Variants in SYNPO observed in about 807,000 individuals in gnomAD.
SYNPO encodes the protein synaptopodin.
A neutral mutation model predicts 49.5 loss-of-function variants in SYNPO; 19 were observed. The ratio of observed to expected loss-of-function variants is 0.38; its 90% CI spans 0.27 to 0.56. SYNPO has a LOEUF of 0.56. Ranked by LOEUF, SYNPO falls within the 20% of genes least tolerant of loss-of-function variation. SYNPO has a pLI of 0.68. For missense variants in SYNPO, 1,131 were observed against 1,248.3 expected, an observed-to-expected ratio of 0.91 and a Z score of 1.42; for synonymous variants, 536 against 548.0, an observed-to-expected ratio of 0.98 and a Z score of 0.31.
chr5:150,588,270 C>A, the SYNPO span, among the ~76,000 whole-genome samples: 1 of 152,184 alleles, frequency 6.6e-6, no homozygotes, highest in Admixed American at 6.5e-5. Context: ...CGTGACTTTC[C>A]ACTCTCTGGT....
At chr5:150,654,410 T>C (rs899685541) in intron 2 of SYNPO, among the ~76,000 whole-genome samples, 2 of 151,782 alleles carry the variant, frequency 1.3e-5, no homozygotes, top group African/African-American at 2.4e-5. Flanking sequence ...ACACACTAGA[T>C]TGTTATTTAC....
chr5:150,600,243 TC>T (rs1271963683), upstream of SYNPO, among the ~76,000 whole-genome samples: 1 of 152,236 alleles, frequency 6.6e-6, no homozygotes, highest in African/African-American at 2.4e-5. Context: ...GAAGGGGATT[TC>T]CTGGGGCCAG....
intron 1 of SYNPO, chr5:150,615,361 A>G (rs969644878): frequency 1.3e-5 from 2 of 152,260 alleles, no homozygotes; most frequent in African/African-American, 4.8e-5. Context: ...ACCGTCAAAT[A>G]CATCAAAACA....
chr5:150,654,640 C>G lies in SYNPO; in HGVS notation c.2029-1764C>G, dbSNP rs543412270. On this transcript the variant is annotated intron_variant, in intron 2 of 2. Transcript: ENST00000307662. The stretch of plus-strand genomic sequence containing the variant: ...TTGGCCTCTCCAAAACCACACTCCC[C>G]TCCCCATTGCTGTGAAAAAGCTCAG... 2.0e-5 allele frequency among the ~76,000 whole-genome samples: 3 copies of G among 152,314 alleles called. No homozygotes were observed. In the South Asian group the frequency reaches 6.2e-4, roughly 32 times the overall value.
At chr5:150,647,373 CAG>C (rs2151420206) in intron 1 of SYNPO, among the ~76,000 whole-genome samples, 1 of 151,846 alleles carries the variant, frequency 6.6e-6, no homozygotes, top group African/African-American at 2.4e-5. Context: ...GAAAACAAAA[CAG>C]ATGGGATAGG....
intron 2 of SYNPO, among the ~76,000 whole-genome samples, chr5:150,621,579 C>T (rs1561640301): frequency 1.3e-5 from 2 of 152,152 alleles, no homozygotes; most frequent in South Asian, 2.1e-4. Flanking sequence ...CTGCCATTAC[C>T]GCCGAAGGAT....
At chr5:150,617,304 TTG>T (rs144758481) in intron 1 of SYNPO, among the ~76,000 whole-genome samples, 13,037 of 151,534 alleles carry the variant, frequency 0.086, 1,291 homozygotes, top group East Asian at 0.27. Flanking sequence ...CCATCTTCTT[TTG>T]TTTTTTTTGG....
At chr5:150,611,696 G>A (rs79223015) in intron 1 of SYNPO, among the ~76,000 whole-genome samples, 1,767 of 152,332 alleles carry the variant, frequency 0.012, 36 homozygotes, top group African/African-American at 0.04. Flanking sequence ...CGCTGAGGAA[G>A]GGAGGAAGGA....
chr5:150,649,664 C>T lies in SYNPO; in HGVS notation c.1389C>T (p.Ala463=). 1 of 1,610,058 alleles carries T rather than the reference C, an allele frequency of 6.2e-7. No individual in the cohort carries two copies. The highest frequency in any genetic ancestry group is 8.5e-7 in the Non-Finnish European group (1 of 1,179,960). ...ASCLKSPRIQ[A]KPKPKPNQNL... ...GCCTCAAGTCACCCCGCATCCAGGC[C>T]AAGCCGAAGCCCAAACCCAACCAGA... Residue 463 remains alanine, a synonymous_variant, in exon 2 of 3, where the codon GCC becomes GCT. Transcript: ENST00000307662.
upstream of SYNPO, among the ~76,000 whole-genome samples, chr5:150,637,823 TAAG>T (rs1757769823): frequency 6.6e-6 from 1 of 152,156 alleles, no homozygotes; most frequent in Non-Finnish European, 1.5e-5. Flanking sequence ...TCCTTTCCTA[TAAG>T]AAGGAAGCTG....
intron 2 of SYNPO, among the ~76,000 whole-genome samples, chr5:150,655,653 T>G (rs1300612077): frequency 1.1e-4 from 17 of 152,190 alleles, no homozygotes; most frequent in Admixed American, 1.1e-3. Flanking sequence ...TATATCCTTC[T>G]AGTATTTTTT....
At chr5:150,599,555 G>A (rs575146703), upstream of SYNPO, among the ~76,000 whole-genome samples, 1 of 152,326 alleles carries the variant, frequency 6.6e-6, no homozygotes, top group South Asian at 2.1e-4. Flanking sequence ...CCACCAGTGT[G>A]GCCTAGGGAG....
intron 1 of SYNPO, among the ~76,000 whole-genome samples, chr5:150,642,524 C>G (rs1334968667): frequency 6.6e-6 from 1 of 151,862 alleles, no homozygotes; most frequent in Non-Finnish European, 1.5e-5. Flanking sequence ...TCCCCACCCC[C>G]ACCTTTGACA....
Position 150,657,045 on chromosome 5 carries a change from C to A in SYNPO, c.2670C>A (p.Leu890=), listed in dbSNP as rs1448173092. The A allele has an allele frequency of 1.3e-6, 2 of 1,599,830 alleles. No individual in the cohort carries two copies. Among genetic ancestry groups the A allele is most frequent in the East Asian group, 4.5e-5 (2 of 44,266 alleles). Residue 890 remains leucine (L), a synonymous_variant, in exon 3 of 3, where the codon CTC becomes CTA. Transcript: ENST00000307662. ...GCGGGTGGAATGGCAGCCTTCGGCT[C>A]AAGCGTGGCAGCCTCCCCGCCGAGG... ...CPRGWNGSLR[L]KRGSLPAEAS... is the part of the protein sequence containing the mutation.
At position 150,606,372 on chromosome 5, in the gene SYNPO, C is replaced by A. The variant is rs114522008; in HGVS notation, c.-266+5184C>A. ...GGCACTGCCACTGTCAGGCTCTGTT[C>A]TAAGCTCTTATATTGTTTCATCCTC... On this transcript the variant is annotated intron_variant, in intron 1 of 2. Coordinates refer to the SYNPO transcript ENST00000394243. Among the ~76,000 whole-genome samples, 702 of 152,330 alleles carry A rather than the reference C, an allele frequency of 4.6e-3. 6 individuals are homozygous for A. Among genetic ancestry groups the A allele is most frequent in the African/African-American group, 0.016 (677 of 41,576 alleles).
chr5:150,634,376 A>G (rs1757639381), intron 2 of SYNPO, among the ~76,000 whole-genome samples: 1 of 152,144 alleles, frequency 6.6e-6, no homozygotes, highest in Non-Finnish European at 1.5e-5. Context: ...CTTTCCCTCT[A>G]CTGTTCAGTT....
chr5:150,648,660 G>C lies in SYNPO; in HGVS notation c.385G>C (p.Gly129Arg). Residue 129 changes from glycine (G) to arginine (R), a missense_variant, in exon 2 of 3, where the codon GGG becomes CGG. Around this residue, in one of 4 missense-constraint regions of SYNPO, gnomAD observed 602 missense variants for 720.7 expected, o/e 0.84. Coordinates refer to ENST00000307662, the MANE Select transcript of SYNPO (RefSeq NM_007286.6). This position sits in a 1 kb window ranked among gnomAD's most constrained non-coding sequence, Gnocchi z 5.0. The stretch of plus-strand genomic sequence containing the variant: ...GGCCCAACTCCCATCTAATGGCACA[G>C]GGCCTGCTTCCAAACCCAGCACCCT... The part of the protein sequence containing the change: ...SEAQLPSNGT[G>R]PASKPSTLCA... 6.2e-7 allele frequency: 1 copy of C among 1,614,198 alleles called. No homozygotes were observed. The highest frequency in any genetic ancestry group is 8.5e-7 in the Non-Finnish European group (1 of 1,180,040).
At chr5:150,598,471 G>T (rs1038465714), upstream of SYNPO, among the ~76,000 whole-genome samples, 1 of 152,200 alleles carries the variant, frequency 6.6e-6, no homozygotes, top group African/African-American at 2.4e-5. Flanking sequence ...CAAACAGTTC[G>T]GCCTCCCTAC....
At chr5:150,639,142 GC>G (rs1757810064), upstream of SYNPO, among the ~76,000 whole-genome samples, 1 of 152,368 alleles carries the variant, frequency 6.6e-6, no homozygotes, top group South Asian at 2.1e-4. Flanking sequence ...CTTTGGCAGG[GC>G]CCTGGTCAGC....
Sources: allele counts gnomAD v4.1 joint callset (sites outside exome capture counted in the v4.1 genomes callset), GRCh38; gene constraint gnomAD v4.1.1; regional missense constraint gnomAD v4.1.1; non-coding constraint Gnocchi (gnomAD v3.1); transcripts MANE v1.5; gene names NCBI Gene and HGNC (gene_info 2026-07-23, HGNC 2026-07-21).